NTM: variants seen among roughly 807,000 people sequenced by gnomAD.
The protein encoded by NTM is neurotrimin.
A neutral mutation model predicts 42.1 loss-of-function variants in NTM; 13 were observed. The ratio of observed to expected loss-of-function variants is 0.31; its 90% CI spans 0.20 to 0.49. NTM has a LOEUF of 0.49. NTM is among the 20% of genes least tolerant of loss of function. The pLI is 0.99. For missense variants in NTM, 373 were observed against 452.8 expected (o/e 0.82, Z 1.60); for synonymous variants, 187 against 179.2 (o/e 1.04, Z -0.35).
chr11:131,986,955 A>T (rs944816873), intron 2 of NTM, among the ~76,000 whole-genome samples: 3 of 152,226 alleles, frequency 2.0e-5, no homozygotes, highest in African/African-American at 7.2e-5. Context: ...TATATTGGTT[A>T]ATTTATGATG....
chr11:131,539,882 T>A (rs2052929482), intron 1 of NTM, among the ~76,000 whole-genome samples: 1 of 152,094 alleles, frequency 6.6e-6, no homozygotes, highest in Non-Finnish European at 1.5e-5. Context: ...CTGGACCTCA[T>A]CTCCATGGGA....
intron 2 of NTM, among the ~76,000 whole-genome samples, chr11:131,970,229 A>G (rs993523030): frequency 2.0e-5 from 3 of 152,334 alleles, no homozygotes; most frequent in South Asian, 4.1e-4. Flanking sequence ...GTTAAAAGCC[A>G]GTTATCATGG....
At chr11:131,651,842 C>T (rs2066524082) in intron 1 of NTM, among the ~76,000 whole-genome samples, 1 of 142,420 alleles carries the variant, frequency 7.0e-6, no homozygotes, top group Non-Finnish European at 1.5e-5. Context: ...TCCGTCCCCG[C>T]CCCCCCGACC....
intron 1 of NTM, among the ~76,000 whole-genome samples, chr11:131,830,999 C>T (rs1406542701): frequency 1.3e-5 from 2 of 152,148 alleles, no homozygotes; most frequent in African/African-American, 4.8e-5. Flanking sequence ...TATAGAAATG[C>T]TACTGATTTT....
At chr11:131,703,261 T>C (rs985044219) in intron 1 of NTM, among the ~76,000 whole-genome samples, 1 of 152,234 alleles carries the variant, frequency 6.6e-6, no homozygotes, top group Admixed American at 6.5e-5. Flanking sequence ...TTTTAGGCGA[T>C]TGATATGTTA....
At chr11:131,746,416 T>C (rs940476465) in intron 1 of NTM, among the ~76,000 whole-genome samples, 4 of 151,860 alleles carry the variant, frequency 2.6e-5, no homozygotes, top group Non-Finnish European at 2.9e-5. Context: ...TGTAGCCAAA[T>C]TGGTGTGGCG....
At chr11:131,475,681 G>A (rs920697469) in intron 1 of NTM, among the ~76,000 whole-genome samples, 4 of 152,026 alleles carry the variant, frequency 2.6e-5, no homozygotes, top group Admixed American at 1.3e-4. Context: ...TATCACCCAC[G>A]AAGCCCTACA....
intron 1 of NTM, among the ~76,000 whole-genome samples, chr11:131,626,377 A>G (rs1232040825): frequency 1.3e-5 from 2 of 152,184 alleles, no homozygotes; most frequent in Non-Finnish European, 2.9e-5. Flanking sequence ...TATAAATGCT[A>G]ATGCTTGGTT....
chr11:132,256,586 A>G (rs1331469515), intron 4 of NTM, among the ~76,000 whole-genome samples: 1 of 150,982 alleles, frequency 6.6e-6, no homozygotes, highest in Non-Finnish European at 1.5e-5. Context: ...TGACATTCCT[A>G]AAGAGAGGTG....
chr11:131,633,766 CCT>C lies in NTM; in HGVS notation c.82+262900_82+262901del, dbSNP rs1238243158. 9.3e-3 allele frequency among the ~76,000 whole-genome samples: 372 copies of C among 39,930 alleles called. 2 individuals are homozygous for C. The highest frequency in any genetic ancestry group is 0.024 in the African/African-American group (333 of 14,030). 26.2% of individuals were successfully genotyped at this position (39,930 alleles called of 152,430 possible). A position where few individuals can be genotyped will look rare whatever the true frequency, so the allele number is the denominator to read the frequency against. ...CCCTCTCTCTCCCTCCCTCTCTCTC[CCT>C]CTCTCTCTCTCTCTCTCTCTCACAC... is the stretch of plus-strand genomic sequence containing the variant. On this transcript the variant is annotated intron_variant, in intron 1 of 8. Transcript: ENST00000683400.
chr11:131,557,666 C>T (rs11222692), intron 1 of NTM, among the ~76,000 whole-genome samples: 9,244 of 149,920 alleles, frequency 0.062, 349 homozygotes, highest in East Asian at 0.19. Context: ...TTGTGTTTGG[C>T]TGCAGGAGGC....
In NTM at chr11:132,333,119, T is replaced by C. The variant is rs757845242; in HGVS notation, c.968-1927T>C. 3.3e-5 allele frequency among the ~76,000 whole-genome samples: 5 copies of C among 152,158 alleles called. 1 individual carries two copies. Among genetic ancestry groups the C allele is most frequent in the Non-Finnish European group, 7.3e-5 (5 of 68,040 alleles). On this transcript the variant is annotated intron_variant, in intron 8 of 8. Transcript: ENST00000683400. Reference sequence around the variant, plus strand: ...AGTGTGCAGGACACGTATGGAATTGTACGGTGTGATTCACGCATATGAAGC... The same window carrying C: ...AGTGTGCAGGACACGTATGGAATTGCACGGTGTGATTCACGCATATGAAGC...
At chr11:132,075,846 G>T (rs550138150) in intron 2 of NTM, among the ~76,000 whole-genome samples, 1 of 152,114 alleles carries the variant, frequency 6.6e-6, no homozygotes, top group African/African-American at 2.4e-5. Flanking sequence ...TACAGTAAAG[G>T]TCTTAATCTG....
At chr11:131,529,811 A>C (rs989483353) in intron 1 of NTM, among the ~76,000 whole-genome samples, 2 of 152,174 alleles carry the variant, frequency 1.3e-5, no homozygotes. Flanking sequence ...AGGCATAATC[A>C]CTACTGTTTT....
chr11:131,814,095 G>T (rs1035798957), intron 1 of NTM, among the ~76,000 whole-genome samples: 1 of 152,134 alleles, frequency 6.6e-6, no homozygotes, highest in Non-Finnish European at 1.5e-5. Flanking sequence ...TAGAGCTAAT[G>T]TACTTCCCAG....
chr11:131,442,407 G>T (rs1021750220), intron 1 of NTM, among the ~76,000 whole-genome samples: 1 of 152,184 alleles, frequency 6.6e-6, no homozygotes, highest in African/African-American at 2.4e-5. Flanking sequence ...AGCTTTCAGT[G>T]CATGGTCAAA....
At chr11:131,668,976 G>A (rs1008369733) in intron 1 of NTM, among the ~76,000 whole-genome samples, 6 of 152,188 alleles carry the variant, frequency 3.9e-5, no homozygotes, top group Non-Finnish European at 7.3e-5. Flanking sequence ...GGTGGTGGCC[G>A]GTAGGGGGAG....
At chr11:132,056,474 C>T (rs968211150) in intron 2 of NTM, among the ~76,000 whole-genome samples, 2 of 152,166 alleles carry the variant, frequency 1.3e-5, no homozygotes, top group Non-Finnish European at 2.9e-5. Context: ...TCATCTTCCC[C>T]ACTAAAATGT....
intron 1 of NTM, among the ~76,000 whole-genome samples, chr11:131,497,774 T>C (rs1298098787): frequency 6.6e-6 from 1 of 152,198 alleles, no homozygotes; most frequent in African/African-American, 2.4e-5. Context: ...CTTGACTTCC[T>C]TGTTCTTTAT....
Sources: allele counts gnomAD v4.1 joint callset (sites outside exome capture counted in the v4.1 genomes callset), GRCh38; gene constraint gnomAD v4.1.1; transcripts MANE v1.5; gene names NCBI Gene and HGNC (gene_info 2026-07-23, HGNC 2026-07-21).